RND1: variants seen among roughly 807,000 people sequenced by gnomAD.
RND1 encodes Rho family GTPase 1.
A neutral mutation model predicts 27.1 loss-of-function variants in RND1; 9 were observed. That is an observed-to-expected ratio of 0.33 (90% confidence interval 0.20 to 0.58). The LOEUF is 0.58. Among genes scored for constraint, RND1 ranks in the 20% least tolerant of loss-of-function variants. RND1 has a pLI of 0.86. For missense variants in RND1, 253 were observed against 292.2 expected (o/e 0.87, Z 0.98); for synonymous variants, 108 against 115.7 (o/e 0.93, Z 0.43).
At chr12:48,864,427 G>GCGCA (rs1349930132) in intron 2 of RND1, among the ~76,000 whole-genome samples, 2 of 145,166 alleles carry the variant, frequency 1.4e-5, no homozygotes, top group African/African-American at 2.5e-5. Context: ...GCGCGCGCGC[G>GCGCA]CGTGTGTGTG....
intron 3 of RND1, 36 bp from the exon 4 acceptor site, chr12:48,861,167 A>T (rs1307303625): frequency 6.4e-7 from 1 of 1,573,456 alleles, no homozygotes; most frequent in East Asian, 2.3e-5. Context: ...TAGGAGAAGG[A>T]GGAAGGAAGG....
chr12:48,863,688 G>C (rs528027750), intron 2 of RND1, among the ~76,000 whole-genome samples: 1 of 152,196 alleles, frequency 6.6e-6, no homozygotes, highest in Admixed American at 6.5e-5. Context: ...CTCATTGTCT[G>C]TCTAACCATT....
At position 48,862,137 on chromosome 12, in the gene RND1, A is replaced by T. The variant is rs564106365; in HGVS notation, c.209-19T>A. On this transcript the variant is annotated intron_variant, in intron 2 of 4. Coordinates refer to ENST00000309739, the MANE Select transcript of RND1 (RefSeq NM_014470.4). ...GGAGATCCTGGTGTAGGCCAGAAAGAGCTGATGGTGAGCCATGGTGTTTTC... is the reference window on the plus strand; with the variant it reads ...GGAGATCCTGGTGTAGGCCAGAAAGTGCTGATGGTGAGCCATGGTGTTTTC... 13 of 1,466,700 alleles carry T rather than the reference A, an allele frequency of 8.9e-6. No homozygotes were observed. The highest frequency in any genetic ancestry group is 5.1e-5 in the Admixed American group (3 of 59,248). The allele number at this position is 1,466,700 out of a possible 1,614,324, so 90.9% of individuals were successfully genotyped here.
chr12:48,860,846 C>A, intron 4 of RND1, 151 bp downstream of exon 4: 2 of 1,063,700 alleles, frequency 1.9e-6, no homozygotes, highest in South Asian at 1.4e-5. Context: ...AGCAGGTGCC[C>A]ACCACCTCTC....
chr12:48,865,465 T>C, intron 1 of RND1, 183 bp downstream of exon 1: 1 of 676,600 alleles, frequency 1.5e-6, no homozygotes, highest in Non-Finnish European at 2.6e-6. Flanking sequence ...GTGGAACAGG[T>C]CTCAGGGGAA....
At chr12:48,864,677 C>T in intron 2 of RND1, 106 bp downstream of exon 2, 2 of 887,088 alleles carry the variant, frequency 2.3e-6, no homozygotes, top group Non-Finnish European at 3.8e-6. Context: ...TTCAGATCCT[C>T]TTTTTTCACT....
chr12:48,858,488 A>C, intron 4 of RND1: 1 of 417,260 alleles, frequency 2.4e-6, no homozygotes, highest in Admixed American at 4.3e-5. Context: ...GAATACTCTT[A>C]AAACTATATT....
intron 1 of RND1, 81 bp downstream of exon 1, chr12:48,865,567 C>T: frequency 6.0e-6 from 9 of 1,493,832 alleles, no homozygotes; most frequent in South Asian, 1.2e-5. Flanking sequence ...GGGGGAGCCA[C>T]GTCTCCTGAG....
At chr12:48,863,161 C>T (rs528797398) in intron 2 of RND1, among the ~76,000 whole-genome samples, 1 of 152,236 alleles carries the variant, frequency 6.6e-6, no homozygotes, top group Admixed American at 6.5e-5. Flanking sequence ...CAATCCCCCT[C>T]CCCTAAGACT....
chr12:48,861,872 G>GGT, intron 3 of RND1, 137 bp downstream of exon 3: 1 of 677,584 alleles, frequency 1.5e-6, no homozygotes, highest in Non-Finnish European at 2.7e-6. Flanking sequence ...TGTAGCTAAT[G>GGT]GTGTGGCCTT....
At chr12:48,864,613 T>C (rs1938962872) in intron 2 of RND1, among the ~76,000 whole-genome samples, 170 bp downstream of exon 2, 1 of 152,058 alleles carries the variant, frequency 6.6e-6, no homozygotes. Context: ...TCTGCACCCT[T>C]GGACCATGCA....
rs148733686 is a variant in RND1 at position 48,861,016 on chromosome 12, G to A, written c.434C>T (p.Ala145Val). 3.4e-4 allele frequency: 541 copies of A among 1,613,548 alleles called. No homozygotes were observed. The highest frequency in any genetic ancestry group is 4.3e-4 in the Non-Finnish European group (504 of 1,180,052). The change falls in exon 4 of 5, where the codon GCG (alanine) becomes GTG (valine). Residue 145 changes from alanine (A) to valine (V), a missense_variant. By Grantham distance (64) the Ala-to-Val change is moderately conservative. Coordinates refer to ENST00000309739, the MANE Select transcript of RND1 (RefSeq NM_014470.4). The part of the protein sequence containing the change: ...TLMELSHQKQ[A>V]PISYEQGCAI... ...ACACACCTGCTCATAGGAGATGGGC[G>A]CCTGCTTCTGGTGGGACAGCTCCAT...
At chr12:48,864,893 C>G in intron 1 of RND1, 23 bp from the exon 2 acceptor site, 2 of 1,515,478 alleles carry the variant, frequency 1.3e-6, no homozygotes, top group African/African-American at 2.7e-5. Flanking sequence ...AGGAAACATT[C>G]ACCCCATGCA....
chr12:48,858,272 T>C (rs1011393604), intron 4 of RND1, 31 bp from the exon 5 acceptor site: 2 of 1,603,046 alleles, frequency 1.2e-6, no homozygotes, highest in Admixed American at 1.7e-5. Context: ...ATTAATGCAG[T>C]GGGCCAAAAT....
Position 48,858,044 on chromosome 12 carries a change from G to A in RND1, c.651C>T (p.Ile217=), listed in dbSNP as rs748703613. ...CCTTTTCCTTCTTGAAGGTAGAAGA[G>A]ATGAGTTCAGAGCGACTGGGGAGGT... ...LLHLPSRSEL[I]SSTFKKEKAK... is the part of the protein sequence containing the mutation. The change falls in exon 5 of 5, where the codon ATC becomes ATT. Residue 217 remains isoleucine, a synonymous_variant. Coordinates refer to ENST00000309739, the MANE Select transcript of RND1 (RefSeq NM_014470.4). 2 of 1,613,730 alleles carry A rather than the reference G, an allele frequency of 1.2e-6. No individual in the cohort carries two copies. Among genetic ancestry groups the A allele is most frequent in the Admixed American group, 1.7e-5 (1 of 59,900 alleles).
chr12:48,863,677 G>T (rs1374735776), intron 2 of RND1, among the ~76,000 whole-genome samples: 2 of 152,076 alleles, frequency 1.3e-5, no homozygotes, highest in East Asian at 3.8e-4. Flanking sequence ...GGGAGGAAAG[G>T]CTCATTGTCT....
In RND1 at chr12:48,865,858, C is replaced by T. The variant is rs1938981635; in HGVS notation, c.-91G>A. 5 of 1,499,202 alleles carry T rather than the reference C, an allele frequency of 3.3e-6. No homozygotes were observed. Among genetic ancestry groups the T allele is most frequent in the Non-Finnish European group, 4.4e-6 (5 of 1,124,012 alleles). The allele number at this position is 1,499,202 out of a possible 1,614,324, so 92.9% of individuals were successfully genotyped here. ...CACGCCAATCAAGCCAGATTCCCTG[C>T]CTCCCTCCAACTGAGGAGGAGGCCG... On this transcript the variant is annotated 5_prime_UTR_variant, in exon 1 of 5. Coordinates refer to ENST00000309739, the MANE Select transcript of RND1 (RefSeq NM_014470.4).
At position 48,865,830 on chromosome 12, in the gene RND1, CAGCACGCCA is replaced by C. The variant is rs1471311808; in HGVS notation, c.-72_-64del. On this transcript the variant is annotated 5_prime_UTR_variant, in exon 1 of 5. In the 5' UTR this introduces an upstream ATG that the reference lacks. Coordinates refer to ENST00000309739, the MANE Select transcript of RND1 (RefSeq NM_014470.4). ...AGGGAGGGTTGCGCCAGGTGCGTCT[CAGCACGCCA>C]ATCAAGCCAGATTCCCTGCCTCCCT... 1 of 1,529,894 alleles carries C rather than the reference CAGCACGCCA, an allele frequency of 6.5e-7. No homozygotes were observed. The highest frequency in any genetic ancestry group is 8.8e-7 in the Non-Finnish European group (1 of 1,133,894). The allele number at this position is 1,529,894 out of a possible 1,614,324, so 94.8% of individuals were successfully genotyped here.
Position 48,864,867 on chromosome 12 carries a change from A to G in RND1, c.124T>C (p.Tyr42His). 1 of 1,612,664 alleles carries G rather than the reference A, an allele frequency of 6.2e-7. No homozygotes were observed. Among genetic ancestry groups the G allele is most frequent in the Non-Finnish European group, 8.5e-7 (1 of 1,178,788 alleles). Residue 42 changes from tyrosine to histidine, a missense_variant, in exon 2 of 5, where the codon TAT becomes CAT. Coordinates refer to ENST00000309739, the MANE Select transcript of RND1 (RefSeq NM_014470.4). Reference protein sequence around the residue: ...VLAKDCYPETYVPTVFENYTA... With the variant: ...VLAKDCYPETHVPTVFENYTA... Reference sequence around the variant, plus strand: ...TAATTTTCGAACACGGTGGGCACATAGGTCTGTGAAAAGAGAGGAAACATT... The same window carrying G: ...TAATTTTCGAACACGGTGGGCACATGGGTCTGTGAAAAGAGAGGAAACATT...
Sources: gnomAD v4.1 joint callset for allele counts (sites outside exome capture counted in the v4.1 genomes callset) on GRCh38, gnomAD v4.1.1 for gene constraint, MANE v1.5 for transcripts, NCBI Gene and HGNC (gene_info 2026-07-23, HGNC 2026-07-21) for gene names.